The following EHMT1 variants were observed in gnomAD, a reference collection of about 807,000 sequenced individuals.
EHMT1 encodes the protein euchromatic histone lysine methyltransferase 1.
Under a neutral mutation model 147.2 loss-of-function variants are expected in EHMT1, and 15 were observed. The ratio of observed to expected loss-of-function variants is 0.10; its 90% CI spans 0.07 to 0.16. The LOEUF (loss-of-function observed/expected upper bound fraction) is 0.16, where lower values mean the gene tolerates loss of function less well. Ranked by LOEUF, EHMT1 falls within the 10% of genes least tolerant of loss-of-function variation. The pLI, the probability that EHMT1 is intolerant of heterozygous loss-of-function variation, is 1.00. For synonymous variants in EHMT1, 795 were observed against 709.6 expected (o/e 1.12, Z -1.91); for missense variants, 1,587 against 1,772.4 (o/e 0.90, Z 1.88).
chr9:137,727,207 C>A (rs2135762179), intron 3 of EHMT1, among the ~76,000 whole-genome samples: 1 of 152,260 alleles, frequency 6.6e-6, no homozygotes, highest in South Asian at 2.1e-4. Flanking sequence ...ATCTTGAACT[C>A]CTGGCCTCAA....
chr9:137,750,624 A>T (rs1324221623), intron 6 of EHMT1, among the ~76,000 whole-genome samples: 1 of 152,204 alleles, frequency 6.6e-6, no homozygotes, highest in Non-Finnish European at 1.5e-5. Context: ...CTAAATTCAG[A>T]ACAGCTCCCA....
intron 18 of EHMT1, among the ~76,000 whole-genome samples, chr9:137,806,973 G>A (rs1394753658): frequency 6.6e-6 from 1 of 152,122 alleles, no homozygotes; most frequent in African/African-American, 2.4e-5. Context: ...CTTGGTTTTA[G>A]CAATTGGATT....
chr9:137,634,962 C>T (rs143535892), intron 1 of EHMT1, among the ~76,000 whole-genome samples: 2,520 of 149,826 alleles, frequency 0.017, 34 homozygotes, highest in Middle Eastern at 0.024. Flanking sequence ...CCTCGTGATC[C>T]GCCGGCCTCG....
chr9:137,764,026 AT>A (rs1950044466), intron 10 of EHMT1: 1 of 152,412 alleles, frequency 6.6e-6, no homozygotes, highest in African/African-American at 2.4e-5. Flanking sequence ...CCTGGCTGGG[AT>A]TTTGCTTTTC....
At chr9:137,807,755 G>A (rs957040787) in intron 18 of EHMT1, among the ~76,000 whole-genome samples, 5 of 152,086 alleles carry the variant, frequency 3.3e-5, no homozygotes, top group Non-Finnish European at 7.4e-5. Flanking sequence ...TGATTCCCCC[G>A]CCAAGGTCTC....
At chr9:137,674,139 A>G (rs1036234910) in intron 1 of EHMT1, among the ~76,000 whole-genome samples, 4 of 152,194 alleles carry the variant, frequency 2.6e-5, no homozygotes, top group African/African-American at 9.7e-5. Flanking sequence ...CATTCCTCAC[A>G]GGGTCTGGAG....
At chr9:137,697,859 C>G (rs1250533473) in intron 1 of EHMT1, among the ~76,000 whole-genome samples, 1 of 152,210 alleles carries the variant, frequency 6.6e-6, no homozygotes, top group African/African-American at 2.4e-5. Flanking sequence ...CATACAGCTC[C>G]TTTTTTGTAG....
intron 18 of EHMT1, among the ~76,000 whole-genome samples, chr9:137,808,838 GC>G (rs1400985997): frequency 1.3e-5 from 2 of 152,128 alleles, no homozygotes; most frequent in African/African-American, 2.4e-5. Flanking sequence ...CACGAGAATC[GC>G]TTGAACCCCA....
At chr9:137,831,761 G>A (rs1009016747) in intron 25 of EHMT1, among the ~76,000 whole-genome samples, 4 of 152,220 alleles carry the variant, frequency 2.6e-5, no homozygotes, top group East Asian at 1.9e-4. Flanking sequence ...TGTTTCAAGC[G>A]TCAGGTCCCT....
intron 1 of EHMT1, among the ~76,000 whole-genome samples, chr9:137,652,076 AAC>A (rs1937899655): frequency 6.6e-6 from 1 of 152,142 alleles, no homozygotes; most frequent in African/African-American, 2.4e-5. Flanking sequence ...TTAACTGTAA[AAC>A]AGTCTCAGGC....
intron 1 of EHMT1, among the ~76,000 whole-genome samples, chr9:137,637,046 T>C (rs1372559782): frequency 6.7e-6 from 1 of 149,234 alleles, no homozygotes; most frequent in Non-Finnish European, 1.5e-5. Context: ...TACAGGCACC[T>C]GCTACCACGC....
chr9:137,765,645 A>G (rs1224253088), intron 10 of EHMT1, among the ~76,000 whole-genome samples: 1 of 52,894 alleles, frequency 1.9e-5, no homozygotes, highest in African/African-American at 7.9e-5. Flanking sequence ...CCCCAGCCCC[A>G]CTCCCCTCAC....
intron 17 of EHMT1, chr9:137,800,470 A>G (rs1194064487): frequency 3.9e-6 from 1 of 254,990 alleles, no homozygotes; most frequent in Non-Finnish European, 7.8e-6. Context: ...TACAGCCCAG[A>G]CTTCCTGCCA....
At chr9:137,753,144 T>C (rs1186626206) in intron 7 of EHMT1, among the ~76,000 whole-genome samples, 1 of 152,058 alleles carries the variant, frequency 6.6e-6, no homozygotes, top group Non-Finnish European at 1.5e-5. Flanking sequence ...GAGGAGGAGC[T>C]GTCTGTGCCG....
At chr9:137,622,050 G>C (rs922577292) in intron 1 of EHMT1, among the ~76,000 whole-genome samples, 16 of 150,144 alleles carry the variant, frequency 1.1e-4, no homozygotes, top group Non-Finnish European at 1.9e-4. Context: ...GTGCCATGTT[G>C]GTGTGCTGCA....
intron 1 of EHMT1, among the ~76,000 whole-genome samples, chr9:137,684,248 G>T (rs975413079): frequency 5.9e-5 from 9 of 151,992 alleles, no homozygotes; most frequent in Non-Finnish European, 1.2e-4. Flanking sequence ...GCCCAGGCTG[G>T]TCTCAAACTC....
intron 10 of EHMT1, among the ~76,000 whole-genome samples, chr9:137,764,965 C>T (rs1162239325): frequency 2.0e-5 from 3 of 152,244 alleles, no homozygotes; most frequent in Non-Finnish European, 4.4e-5. Context: ...ACTTGGTTTA[C>T]ATTCAAGTAC....
At chr9:137,654,261 G>A (rs1938187749) in intron 1 of EHMT1, among the ~76,000 whole-genome samples, 1 of 152,064 alleles carries the variant, frequency 6.6e-6, no homozygotes, top group Admixed American at 6.6e-5. Flanking sequence ...CTGTTCAAGA[G>A]GCTGAGGCAG....
chr9:137,718,375 A>T (rs1178480179), intron 3 of EHMT1, among the ~76,000 whole-genome samples: 1 of 152,250 alleles, frequency 6.6e-6, no homozygotes, highest in East Asian at 1.9e-4. Context: ...TTGTGATCAC[A>T]TTCCCGTGGA....
Sources: allele counts gnomAD v4.1 joint callset (sites outside exome capture counted in the v4.1 genomes callset), GRCh38; gene constraint gnomAD v4.1.1; transcripts MANE v1.5; gene names NCBI Gene and HGNC (gene_info 2026-07-23, HGNC 2026-07-21).